The following FBXW8 variants were observed in gnomAD, a reference collection of about 807,000 sequenced individuals.
FBXW8 encodes the protein F-box and WD repeat domain containing 8, also known as F-box/WD repeat-containing protein 8.
In FBXW8, 57 loss-of-function variants were observed where a neutral mutation model predicts 65.3. The observed-to-expected ratio is 0.87, with a 90% confidence interval of 0.71 to 1.09. The LOEUF (loss-of-function observed/expected upper bound fraction) is 1.09. Among genes scored for constraint, FBXW8 ranks in the 50% least tolerant of loss-of-function variants. The pLI, the probability that FBXW8 is intolerant of heterozygous loss-of-function variation, is 0.00. For synonymous variants in FBXW8, 308 were observed against 330.2 expected (o/e 0.93, Z 0.73); for missense variants, 777 against 814.8 (o/e 0.95, Z 0.57).
rs909837230 is a variant in FBXW8 at position 116,962,942 on chromosome 12, G to A, written c.678-1755G>A. ...CCTCATTGAGAAGGGTGAGCTGACC[G>A]CTGCTTGGAGAGCCTGGGGGCCAGT... On this transcript the variant is annotated intron_variant, in intron 4 of 10. Transcript: ENST00000652555. Among the ~76,000 whole-genome samples, 8 of 152,204 alleles carry A rather than the reference G, an allele frequency of 5.3e-5. No individual in the cohort carries two copies. The South Asian group carries it at 8.3e-4, about 16-fold the overall frequency.
At chr12:116,928,932 TC>T (rs1012056157) in intron 2 of FBXW8, among the ~76,000 whole-genome samples, 2 of 151,432 alleles carry the variant, frequency 1.3e-5, no homozygotes, top group Admixed American at 1.3e-4. Flanking sequence ...TGCCTCAGCC[TC>T]CCGAGTAGCT....
intron 1 of FBXW8, among the ~76,000 whole-genome samples, chr12:116,915,640 C>CTTTTTT (rs57687048): frequency 3.9e-5 from 3 of 77,192 alleles, no homozygotes; most frequent in African/African-American, 1.6e-4. Flanking sequence ...CACCTGACTA[C>CTTTTTT]TTTTTTTTTT....
intron 4 of FBXW8, among the ~76,000 whole-genome samples, chr12:116,955,710 T>G (rs1195092252): frequency 1.3e-5 from 2 of 152,222 alleles, no homozygotes; most frequent in Non-Finnish European, 2.9e-5. Flanking sequence ...GAAACATCCC[T>G]GTTCTGTTTT....
intron 2 of FBXW8, among the ~76,000 whole-genome samples, chr12:116,939,316 A>G (rs771987393): frequency 1.3e-5 from 2 of 151,946 alleles, no homozygotes; most frequent in Non-Finnish European, 2.9e-5. Flanking sequence ...AATCCAAAAT[A>G]CTCCTGGTTT....
At chr12:116,916,046 G>A (rs1347042905) in intron 1 of FBXW8, among the ~76,000 whole-genome samples, 1 of 152,128 alleles carries the variant, frequency 6.6e-6, no homozygotes, top group Non-Finnish European at 1.5e-5. Context: ...TTGAGTTCTC[G>A]TGTATGGCAT....
intron 4 of FBXW8, among the ~76,000 whole-genome samples, chr12:116,959,801 G>C (rs1321100880): frequency 6.6e-6 from 1 of 152,164 alleles, no homozygotes; most frequent in East Asian, 1.9e-4. Flanking sequence ...AATCAGCTAT[G>C]GTCTCTGACC....
chr12:116,955,145 C>A (rs186012777), intron 4 of FBXW8, among the ~76,000 whole-genome samples: 3 of 151,842 alleles, frequency 2.0e-5, no homozygotes, highest in African/African-American at 4.8e-5. Flanking sequence ...AACTCCCCTT[C>A]GGCGATTCCA....
At chr12:117,002,582 C>T (rs1409386304) in intron 7 of FBXW8, 1 of 152,126 alleles carries the variant, frequency 6.6e-6, no homozygotes, top group Admixed American at 6.5e-5. Context: ...AGTCATTTTC[C>T]ACATGTTCAC....
intron 4 of FBXW8, among the ~76,000 whole-genome samples, chr12:116,958,345 G>T (rs1883781966): frequency 1.3e-5 from 2 of 152,302 alleles, no homozygotes; most frequent in South Asian, 4.1e-4. Context: ...AAGGAGCAAA[G>T]AAATACCAAA....
At chr12:117,001,306 C>T (rs570918570) in intron 7 of FBXW8, among the ~76,000 whole-genome samples, 1 of 152,172 alleles carries the variant, frequency 6.6e-6, no homozygotes, top group Non-Finnish European at 1.5e-5. Context: ...TTCCCAGTCT[C>T]CCCCTGGGGC....
chr12:117,015,881 ACTTT>A (rs1301483392), intron 8 of FBXW8, among the ~76,000 whole-genome samples: 1 of 152,134 alleles, frequency 6.6e-6, no homozygotes, highest in Admixed American at 6.5e-5. Flanking sequence ...CCACTCATCT[ACTTT>A]CTTTCTCTGG....
intron 7 of FBXW8, among the ~76,000 whole-genome samples, chr12:117,004,718 C>CCT (rs1953634749): frequency 6.6e-6 from 1 of 151,938 alleles, no homozygotes. Context: ...TGTATGTAGC[C>CCT]CTGCAGGGAC....
At chr12:116,985,487 T>A in intron 6 of FBXW8, 85 bp downstream of exon 6, 1 of 1,321,162 alleles carries the variant, frequency 7.6e-7, no homozygotes, top group Non-Finnish European at 1.0e-6. Context: ...TGTTGGTAAC[T>A]CCCATTCACT....
At chr12:116,970,629 GT>G (rs1565919778) in intron 5 of FBXW8, among the ~76,000 whole-genome samples, 1 of 152,150 alleles carries the variant, frequency 6.6e-6, no homozygotes, top group Non-Finnish European at 1.5e-5. Flanking sequence ...TTCTTCAGTT[GT>G]TTTGCTTGTA....
intron 6 of FBXW8, 64 bp downstream of exon 6, chr12:116,985,466 C>G (rs118102898): frequency 2.0e-6 from 3 of 1,499,052 alleles, no homozygotes; most frequent in Non-Finnish European, 2.7e-6. Context: ...AATGTAAGCA[C>G]GTACTAATGG....
intron 7 of FBXW8, 22 bp downstream of exon 7, chr12:116,988,891 T>A (rs1280413601): frequency 6.3e-7 from 1 of 1,590,398 alleles, no homozygotes; most frequent in African/African-American, 1.3e-5. Flanking sequence ...GCAAGATATA[T>A]AATTAACAAA....
chr12:116,996,932 G>C (rs994007147), intron 7 of FBXW8, among the ~76,000 whole-genome samples: 4 of 152,188 alleles, frequency 2.6e-5, no homozygotes, highest in Non-Finnish European at 5.9e-5. Context: ...TAAAGGAGGC[G>C]TGTTGAGATG....
At chr12:116,995,245 G>C (rs1953348016) in intron 7 of FBXW8, among the ~76,000 whole-genome samples, 1 of 152,176 alleles carries the variant, frequency 6.6e-6, no homozygotes, top group Non-Finnish European at 1.5e-5. Flanking sequence ...GGCTTATCTG[G>C]GACCCATTTG....
At chr12:116,925,087 A>G (rs922767917) in intron 1 of FBXW8, among the ~76,000 whole-genome samples, 1 of 152,166 alleles carries the variant, frequency 6.6e-6, no homozygotes, top group East Asian at 1.9e-4. Context: ...AAAAAAAAAA[A>G]AGATTGAACT....
Sources: allele counts gnomAD v4.1 joint callset (sites outside exome capture counted in the v4.1 genomes callset), GRCh38; gene constraint gnomAD v4.1.1; transcripts MANE v1.5; gene names NCBI Gene and HGNC (gene_info 2026-07-23, HGNC 2026-07-21).